Variants in RIC8B observed in about 807,000 individuals in gnomAD.
RIC8B encodes chaperone Ric-8B.
Under a neutral mutation model 57.5 loss-of-function variants are expected in RIC8B, and 16 were observed. The observed-to-expected ratio is 0.28, with a 90% CI of 0.19 to 0.42. The LOEUF is 0.42. Ranked by LOEUF, RIC8B falls within the 10% of genes least tolerant of loss-of-function variation. The probability of loss-of-function intolerance (pLI) is 1.00; values close to 1 mark genes in which losing one functional copy is unlikely to be tolerated. For missense variants in RIC8B, 481 were observed against 677.0 expected (o/e 0.71, Z 3.21); for synonymous variants, 216 against 250.8 (o/e 0.86, Z 1.31).
At chr12:106,874,527 T>G (rs1296574708) in intron 9 of RIC8B, 12 of 1,551,208 alleles carry the variant, frequency 7.7e-6, no homozygotes, top group African/African-American at 2.7e-5. Context: ...TTAGCAACAG[T>G]GGCCCGTGCC....
chr12:106,815,385 T>G (rs1177756436), intron 3 of RIC8B, 81 bp downstream of exon 3: 1 of 1,447,336 alleles, frequency 6.9e-7, no homozygotes, highest in Non-Finnish European at 9.2e-7. Flanking sequence ...AAGAGAAGAA[T>G]ACAAGTTGGG....
rs370941717 is a variant in RIC8B, at chr12:106,797,454, A to G, written c.132+13410A>G. 3.9e-4 allele frequency among the ~76,000 whole-genome samples: 60 copies of G among 152,322 alleles called. 1 individual carries two copies. Among genetic ancestry groups the G allele is most frequent in the African/African-American group, 9.6e-4 (40 of 41,576 alleles). On this transcript the variant is annotated intron_variant, in intron 2 of 9. Transcript: ENST00000392837. ...TTAAAATTTTAGAATAGGCAGATCT[A>G]TGGTGACAAAGTAGATTCATAGTTG...
At chr12:106,783,840 T>C (rs925667359) in intron 1 of RIC8B, among the ~76,000 whole-genome samples, 157 bp from the exon 2 acceptor site, 21 of 152,244 alleles carry the variant, frequency 1.4e-4, no homozygotes, top group Admixed American at 1.4e-3. Context: ...TTATAACTAT[T>C]TGTTTACATG....
intron 4 of RIC8B, among the ~76,000 whole-genome samples, chr12:106,829,905 C>T (rs960394553): frequency 1.3e-5 from 2 of 152,184 alleles, no homozygotes; most frequent in Non-Finnish European, 2.9e-5. Flanking sequence ...TATTTATGAT[C>T]TGTAGTCTCA....
intron 9 of RIC8B, among the ~76,000 whole-genome samples, chr12:106,878,733 A>G (rs1950782434): frequency 6.6e-6 from 1 of 152,170 alleles, no homozygotes; most frequent in South Asian, 2.1e-4. Context: ...CAACAAAACA[A>G]GTATGTAACA....
chr12:106,789,619 A>T (rs908182357), intron 2 of RIC8B, among the ~76,000 whole-genome samples: 1 of 152,168 alleles, frequency 6.6e-6, no homozygotes, highest in African/African-American at 2.4e-5. Flanking sequence ...CTAATTCATT[A>T]CCACGAGAAC....
At chr12:106,794,825 C>T (rs995978318) in intron 2 of RIC8B, among the ~76,000 whole-genome samples, 5 of 152,210 alleles carry the variant, frequency 3.3e-5, no homozygotes, top group East Asian at 3.9e-4. Flanking sequence ...TTTGAATCCA[C>T]GTGAAGATAT....
At chr12:106,872,290 AAAGAT>A (rs1950465950) in intron 9 of RIC8B, among the ~76,000 whole-genome samples, 1 of 152,232 alleles carries the variant, frequency 6.6e-6, no homozygotes, top group Non-Finnish European at 1.5e-5. Flanking sequence ...ATGAATATAT[AAAGAT>A]AAGATGTGTG....
chr12:106,780,655 T>C (rs1259571993), intron 1 of RIC8B, among the ~76,000 whole-genome samples: 1 of 152,256 alleles, frequency 6.6e-6, no homozygotes, highest in Non-Finnish European at 1.5e-5. Flanking sequence ...GATTATGTTA[T>C]ATAATTTGTT....
At chr12:106,815,965 C>T (rs1937727258) in intron 3 of RIC8B, among the ~76,000 whole-genome samples, 1 of 152,298 alleles carries the variant, frequency 6.6e-6, no homozygotes, top group Middle Eastern at 3.4e-3. Context: ...TTGGACCCTT[C>T]AGCAACCCAA....
intron 9 of RIC8B, among the ~76,000 whole-genome samples, chr12:106,884,765 G>A (rs1336783245): frequency 3.3e-5 from 5 of 152,120 alleles, no homozygotes; most frequent in African/African-American, 1.2e-4. Context: ...TCCTCCCCAG[G>A]AGATTTCACT....
intron 3 of RIC8B, among the ~76,000 whole-genome samples, chr12:106,818,136 A>G (rs962891199): frequency 6.6e-6 from 1 of 152,100 alleles, no homozygotes; most frequent in South Asian, 2.1e-4. Flanking sequence ...AATACAAATT[A>G]CCTGTAAACT....
chr12:106,791,486 G>A (rs149387995), intron 2 of RIC8B, among the ~76,000 whole-genome samples: 2,802 of 152,188 alleles, frequency 0.018, 48 homozygotes, highest in Middle Eastern at 0.048. Context: ...CCTTTTGGGA[G>A]AGCATAAAAA....
intron 2 of RIC8B, 45 bp from the exon 3 acceptor site, chr12:106,814,651 T>C: frequency 6.5e-7 from 1 of 1,538,162 alleles, no homozygotes; most frequent in African/African-American, 1.4e-5. Context: ...TGTTAAGTCA[T>C]TTGAGCCAAA....
chr12:106,853,592 C>CT (rs1949583642), intron 7 of RIC8B, among the ~76,000 whole-genome samples: 1 of 150,358 alleles, frequency 6.7e-6, no homozygotes, highest in Non-Finnish European at 1.5e-5. Flanking sequence ...CCTCAGCCGT[C>CT]TGAGTAGCTG....
At chr12:106,859,427 C>G (rs935316210) in intron 7 of RIC8B, among the ~76,000 whole-genome samples, 1 of 151,978 alleles carries the variant, frequency 6.6e-6, no homozygotes, top group African/African-American at 2.4e-5. Flanking sequence ...GAGCCTGAAC[C>G]AAACTTTTCA....
chr12:106,824,235 T>A (rs1442795371), intron 3 of RIC8B, among the ~76,000 whole-genome samples: 1 of 152,230 alleles, frequency 6.6e-6, no homozygotes, highest in Non-Finnish European at 1.5e-5. Context: ...CATATCATCT[T>A]CTTTAATCCT....
intron 8 of RIC8B, among the ~76,000 whole-genome samples, chr12:106,870,515 T>A (rs903239592): frequency 3.9e-5 from 6 of 151,944 alleles, no homozygotes; most frequent in African/African-American, 1.5e-4. Context: ...AAGCTGTGCA[T>A]CCACGGATAT....
chr12:106,831,372 T>A (rs1452011910), intron 4 of RIC8B, among the ~76,000 whole-genome samples: 1 of 152,220 alleles, frequency 6.6e-6, no homozygotes, highest in Admixed American at 6.5e-5. Context: ...TTGCATGTGT[T>A]TATGATATGC....
Sources: gnomAD v4.1 joint callset for allele counts (sites outside exome capture counted in the v4.1 genomes callset) on GRCh38, gnomAD v4.1.1 for gene constraint, MANE v1.5 for transcripts, NCBI Gene and HGNC (gene_info 2026-07-23, HGNC 2026-07-21) for gene names.